OC90: variants seen among roughly 807,000 people sequenced by gnomAD.
The protein encoded by OC90 is otoconin 90.
In OC90, 46 loss-of-function variants were observed where a neutral mutation model predicts 47.3. The ratio of observed to expected loss-of-function variants is 0.97; its 90% CI spans 0.77 to 1.24. OC90 has a LOEUF of 1.24. Among genes scored for constraint, OC90 ranks in the 50% most tolerant of loss-of-function variants. OC90 has a pLI of 0.00. For synonymous variants in OC90, 271 were observed against 219.5 expected, an observed-to-expected ratio of 1.23 and a Z score of -2.07; for missense variants, 688 against 583.9, an observed-to-expected ratio of 1.18 and a Z score of -1.84.
intron 6 of OC90, among the ~76,000 whole-genome samples, chr8:132,039,379 C>A (rs536490718): frequency 2.0e-5 from 3 of 152,294 alleles, no homozygotes; most frequent in African/African-American, 7.2e-5. Flanking sequence ...CTGACCACAT[C>A]TCCACACCTC....
chr8:132,051,137 T>C (rs1050844981), intron 2 of OC90, among the ~76,000 whole-genome samples: 7 of 152,152 alleles, frequency 4.6e-5, no homozygotes, highest in African/African-American at 1.7e-4. Context: ...CAGCCCCCAC[T>C]CTAGAGATGA....
chr8:132,041,218 G>T, intron 5 of OC90, 62 bp from the exon 6 acceptor site: 1 of 1,003,270 alleles, frequency 1.0e-6, no homozygotes, highest in Non-Finnish European at 1.6e-6. Flanking sequence ...AGGGCAGGCA[G>T]CTCATGATCT....
In OC90 at chr8:132,033,221, C is replaced by T. The variant is rs1274410076; in HGVS notation, c.734-57G>A. On this transcript the variant is annotated intron_variant, in intron 10 of 13. Coordinates refer to ENST00000254627, the MANE Select transcript of OC90 (RefSeq NM_001080399.3). ...AAAAAGTGGCTCAAGGAGAGATTTG[C>T]AGATGGACATACGAAAGCCAAATGC... 15 of 1,562,326 alleles carry T rather than the reference C, an allele frequency of 9.6e-6. No individual in the cohort carries two copies. In the African/African-American group the frequency reaches 1.5e-4, roughly 15 times the overall value.
intron 4 of OC90, among the ~76,000 whole-genome samples, chr8:132,043,492 G>T (rs184911129): frequency 4.9e-4 from 74 of 152,264 alleles, no homozygotes; most frequent in African/African-American, 1.7e-3. Flanking sequence ...TCTAAATCTC[G>T]CATTCTCCTC....
intron 7 of OC90, 37 bp downstream of exon 7, chr8:132,038,958 C>T: frequency 1.2e-6 from 2 of 1,613,640 alleles, no homozygotes; most frequent in Non-Finnish European, 1.7e-6. Flanking sequence ...TGTCCAGATC[C>T]TCAGCCCCAC....
Position 132,038,848 on chromosome 8 carries a change from T to C in OC90, c.587-17A>G, listed in dbSNP as rs375008687. The C allele has an allele frequency of 8.6e-5, 138 of 1,613,678 alleles. No homozygotes were observed. In the African/African-American group the frequency reaches 1.7e-3, roughly 20 times the overall value. On this transcript the variant is annotated splice_polypyrimidine_tract_variant and intron_variant, in intron 7 of 13. Transcript: ENST00000254627. The stretch of plus-strand genomic sequence containing the variant: ...TGGTTGTCTCTGAAAAGAAAACACT[T>C]TGGAAAGTCTGTTGAGAGCAGTGGG...
chr8:132,043,297 C>T (rs1823080376), intron 4 of OC90, among the ~76,000 whole-genome samples: 1 of 152,226 alleles, frequency 6.6e-6, no homozygotes, highest in Non-Finnish European at 1.5e-5. Flanking sequence ...CATAGGCCTC[C>T]TGTTAACCCT....
chr8:132,040,524 G>T (rs1166929064), intron 6 of OC90, among the ~76,000 whole-genome samples: 3 of 152,148 alleles, frequency 2.0e-5, no homozygotes, highest in African/African-American at 7.2e-5. Context: ...GAACCTATGT[G>T]TTTCTGATTC....
rs148233596 is a variant in OC90, at chr8:132,037,847, C to T, written c.629-359G>A. Among the ~76,000 whole-genome samples, 83 of 152,312 alleles carry T rather than the reference C, an allele frequency of 5.4e-4. 1 individual carries two copies. The highest frequency in any genetic ancestry group is 2.0e-3 in the African/African-American group (82 of 41,570). On this transcript the variant is annotated intron_variant, in intron 8 of 13. Transcript: ENST00000254627. Reference sequence around the variant, plus strand: ...TGTTGAGGATAAAAACAGTGCTGGACTCAGAAGATACATAGAGATATGACA... The same window carrying T: ...TGTTGAGGATAAAAACAGTGCTGGATTCAGAAGATACATAGAGATATGACA...
Position 132,041,454 on chromosome 8 carries a change from T to G in OC90, c.344+71A>C, listed in dbSNP as rs538489304. 2.9e-6 allele frequency: 4 copies of G among 1,393,884 alleles called. No homozygotes were observed. In the South Asian group the frequency reaches 5.4e-5, roughly 19 times the overall value. The allele number at this position is 1,393,884 out of a possible 1,614,324, so 86.3% of individuals were successfully genotyped here. A position where few individuals can be genotyped will look rare whatever the true frequency, so the allele number is the denominator to read the frequency against. ...AGGGGCTTTTCTGTATTTGTGCTCTTGCCAAGGTATCAGCCAGGCCTCCCA... is the reference window on the plus strand; with the variant it reads ...AGGGGCTTTTCTGTATTTGTGCTCTGGCCAAGGTATCAGCCAGGCCTCCCA... On this transcript the variant is annotated intron_variant, in intron 5 of 13. Coordinates refer to ENST00000254627, the MANE Select transcript of OC90 (RefSeq NM_001080399.3).
chr8:132,035,000 G>A (rs1178058339), intron 9 of OC90, among the ~76,000 whole-genome samples, 166 bp from the exon 10 acceptor site: 1 of 152,178 alleles, frequency 6.6e-6, no homozygotes, highest in South Asian at 2.1e-4. Flanking sequence ...GTGAGACCAG[G>A]GCTGCTGCTG....
intron 7 of OC90, 79 bp from the exon 8 acceptor site, chr8:132,038,910 T>C: frequency 6.2e-7 from 1 of 1,606,632 alleles, no homozygotes; most frequent in Non-Finnish European, 8.5e-7. Context: ...ACTTGGCATC[T>C]AGAGACATGA....
chr8:132,024,909 T>C, intron 13 of OC90, 133 bp from the exon 14 acceptor site: 2 of 689,636 alleles, frequency 2.9e-6, no homozygotes, highest in East Asian at 2.8e-5. Context: ...ATCCACCTTA[T>C]ATGGCTGGTA....
At chr8:132,044,302 C>A in intron 4 of OC90, 131 bp downstream of exon 4, 2 of 642,124 alleles carry the variant, frequency 3.1e-6, no homozygotes, top group Non-Finnish European at 5.6e-6. Flanking sequence ...ACTTGGGTCT[C>A]CTTGTTGGGA....
intron 2 of OC90, 100 bp downstream of exon 2, chr8:132,054,881 C>T (rs1476619914): frequency 1.0e-5 from 7 of 667,258 alleles, no homozygotes; most frequent in East Asian, 6.0e-5. Context: ...TTAAAAGACA[C>T]GTGGGAAAGA....
intron 6 of OC90, 148 bp downstream of exon 6, chr8:132,040,896 C>G (rs1345220281): frequency 1.8e-5 from 11 of 621,968 alleles, no homozygotes; most frequent in Non-Finnish European, 2.9e-5. Context: ...ATTGATCCAG[C>G]CCTCGTGGGG....
chr8:132,038,620 G>C (rs866276022), intron 8 of OC90, among the ~76,000 whole-genome samples, 170 bp downstream of exon 8: 17 of 152,288 alleles, frequency 1.1e-4, no homozygotes, highest in Middle Eastern at 3.4e-3. Flanking sequence ...CATTTGAATT[G>C]GGTTTATCAG....
At chr8:132,050,730 G>A (rs534658508) in intron 2 of OC90, among the ~76,000 whole-genome samples, 37 of 152,248 alleles carry the variant, frequency 2.4e-4, no homozygotes, top group Non-Finnish European at 4.0e-4. Flanking sequence ...GGCCGGGCGC[G>A]GTGCCCACAA....
At chr8:132,033,408 G>A (rs1382815658) in intron 10 of OC90, among the ~76,000 whole-genome samples, 1 of 152,172 alleles carries the variant, frequency 6.6e-6, no homozygotes, top group African/African-American at 2.4e-5. Context: ...ACATCCCAGG[G>A]ATGAGGACTC....
Sources: gnomAD v4.1 joint callset for allele counts (sites outside exome capture counted in the v4.1 genomes callset) on GRCh38, gnomAD v4.1.1 for gene constraint, MANE v1.5 for transcripts, NCBI Gene and HGNC (gene_info 2026-07-23, HGNC 2026-07-21) for gene names.